Variants in FBRSL1 observed in about 807,000 individuals in gnomAD.
FBRSL1 encodes fibrosin like 1, also known as fibrosin-1-like protein.
A neutral mutation model predicts 89.6 loss-of-function variants in FBRSL1; 51 were observed. That is an observed-to-expected ratio of 0.57 (90% CI 0.45 to 0.72). The LOEUF (loss-of-function observed/expected upper bound fraction) is 0.72. Ranked by LOEUF, FBRSL1 falls within the 30% of genes least tolerant of loss-of-function variation. The pLI is 0.00. For missense variants in FBRSL1, 1,618 were observed against 1,451.8 expected (o/e 1.11, Z -1.86); for synonymous variants, 779 against 681.1 (o/e 1.14, Z -2.24).
intron 4 of FBRSL1, among the ~76,000 whole-genome samples, chr12:132,544,428 T>C (rs2037512043): frequency 6.6e-6 from 1 of 152,104 alleles, no homozygotes; most frequent in East Asian, 1.9e-4. Flanking sequence ...ATCAGGGTCA[T>C]AGACAAGCGT....
intron 14 of FBRSL1, among the ~76,000 whole-genome samples, chr12:132,575,233 T>C (rs1349598772): frequency 1.4e-5 from 2 of 142,510 alleles, no homozygotes; most frequent in Non-Finnish European, 3.0e-5. Context: ...GCTGTATGTC[T>C]TTCTTTTTTT....
intron 1 of FBRSL1, among the ~76,000 whole-genome samples, chr12:132,501,469 C>T (rs573674587): frequency 2.0e-5 from 3 of 152,198 alleles, no homozygotes; most frequent in Admixed American, 6.5e-5. Flanking sequence ...GGGAGGGGCT[C>T]CCAGGGCCAG....
In FBRSL1 at chr12:132,499,608, C is replaced by T. The variant is rs1452851808; in HGVS notation, c.292-8545C>T. Among the ~76,000 whole-genome samples the T allele has an allele frequency of 2.6e-5, 4 of 151,870 alleles. No homozygotes were observed. Among genetic ancestry groups the T allele is most frequent in the Non-Finnish European group, 4.4e-5 (3 of 67,956 alleles). On this transcript the variant is annotated intron_variant, in intron 1 of 18. Transcript: ENST00000680143. The surrounding 1 kb of genome is among the most constrained non-coding windows in gnomAD (Gnocchi z 4.3). ...TGTGAGGGGCAGCACCGTGGCGTGG[C>T]GGTTCCCGAGAGCCCGTCAGGAAGG...
At chr12:132,571,493 T>TGCCCCCGACGCCGCCCGCCGC in intron 9 of FBRSL1, 1 of 1,541,630 alleles carries the variant, frequency 6.5e-7, no homozygotes, top group Non-Finnish European at 8.8e-7. Context: ...CCCGCAGGGC[T>TGCCCCCGACGCCGCCCGCCGC]GCCCCCGACG....
At chr12:132,544,236 G>A (rs967328955) in intron 4 of FBRSL1, among the ~76,000 whole-genome samples, 3 of 152,180 alleles carry the variant, frequency 2.0e-5, no homozygotes, top group Non-Finnish European at 4.4e-5. Flanking sequence ...AAGTGGTCAC[G>A]AGGGCCATTA....
chr12:132,520,217 A>C (rs1338098202), intron 2 of FBRSL1, among the ~76,000 whole-genome samples: 97 of 74,932 alleles, frequency 1.3e-3, no homozygotes, highest in Middle Eastern at 0.016. Context: ...CCTCCAGCAC[A>C]CCCTCCTTGC....
intron 5 of FBRSL1, among the ~76,000 whole-genome samples, chr12:132,549,065 A>T (rs1185804843): frequency 6.6e-6 from 1 of 151,520 alleles, no homozygotes; most frequent in Non-Finnish European, 1.5e-5. Flanking sequence ...CAGATATTGG[A>T]GTCAGTGGCG....
In FBRSL1 at chr12:132,546,706, G is replaced by A. The variant is rs917432108; in HGVS notation, c.616-1297G>A. 3.9e-5 allele frequency among the ~76,000 whole-genome samples: 6 copies of A among 152,184 alleles called. No homozygotes were observed. Among genetic ancestry groups the A allele is most frequent in the Non-Finnish European group, 8.8e-5 (6 of 68,028 alleles). Reference sequence around the variant, plus strand: ...CTGGGGGAGCCTGTCAGCCTCAGGAGACCCCCCCCACAGGCCCACCCCAGC... The same window carrying A: ...CTGGGGGAGCCTGTCAGCCTCAGGAAACCCCCCCCACAGGCCCACCCCAGC... On this transcript the variant is annotated intron_variant, in intron 4 of 18. Transcript: ENST00000680143. The surrounding 1 kb of genome is among the most constrained non-coding windows in gnomAD (Gnocchi z 4.0).
chr12:132,525,584 G>A (rs2035721225), intron 2 of FBRSL1, 150 bp from the exon 3 acceptor site: 7 of 643,298 alleles, frequency 1.1e-5, no homozygotes, highest in South Asian at 3.6e-5. Context: ...ACCACAGCTC[G>A]TCACATCCCA....
At chr12:132,555,552 G>A (rs1425998132) in intron 5 of FBRSL1, among the ~76,000 whole-genome samples, 2 of 151,528 alleles carry the variant, frequency 1.3e-5, no homozygotes, top group South Asian at 2.1e-4. Context: ...CACGGTAGCC[G>A]CCTCACCCGA....
At chr12:132,553,328 C>G (rs993731501) in intron 5 of FBRSL1, 1 of 152,312 alleles carries the variant, frequency 6.6e-6, no homozygotes, top group Non-Finnish European at 1.5e-5. Context: ...GCACTTTGAC[C>G]TGGGACTGCT....
intron 1 of FBRSL1, among the ~76,000 whole-genome samples, chr12:132,492,908 G>A (rs1205242653): frequency 6.6e-6 from 1 of 152,216 alleles, no homozygotes; most frequent in Non-Finnish European, 1.5e-5. Context: ...CCAAAGTATG[G>A]TGGTTTTTCC....
chr12:132,509,943 C>T, intron 2 of FBRSL1: 4 of 1,231,576 alleles, frequency 3.2e-6, no homozygotes, highest in Non-Finnish European at 4.0e-6. Flanking sequence ...GTACGGCCAG[C>T]CCCGAAGGTC....
chr12:132,565,625 G>A (rs2039558507), intron 5 of FBRSL1: 1 of 152,194 alleles, frequency 6.6e-6, no homozygotes, highest in Non-Finnish European at 1.5e-5. Context: ...TTGAGTTTGT[G>A]CCCATGTACG....
chr12:132,505,145 G>T (rs1028129512), intron 1 of FBRSL1, among the ~76,000 whole-genome samples: 1 of 152,132 alleles, frequency 6.6e-6, no homozygotes, highest in African/African-American at 2.4e-5. Context: ...AAGATAAGCG[G>T]GGCCTGACCC....
At chr12:132,519,214 C>G (rs2035131614) in intron 2 of FBRSL1, among the ~76,000 whole-genome samples, 1 of 152,248 alleles carries the variant, frequency 6.6e-6, no homozygotes, top group Non-Finnish European at 1.5e-5. Context: ...TTACAGTCTA[C>G]TGAAGAGAGA....
chr12:132,522,338 C>T (rs1056137146), intron 2 of FBRSL1, among the ~76,000 whole-genome samples: 4 of 148,696 alleles, frequency 2.7e-5, no homozygotes, highest in Non-Finnish European at 1.5e-5. Context: ...GACGTGCAGC[C>T]TGGAGCTGGG....
chr12:132,581,782 C>T lies in FBRSL1; in HGVS notation c.1954C>T (p.Leu652=). 1 of 1,549,682 alleles carries T rather than the reference C, an allele frequency of 6.5e-7. No individual in the cohort carries two copies. Among genetic ancestry groups the T allele is most frequent in the Non-Finnish European group, 8.7e-7 (1 of 1,146,600 alleles). Residue 652 remains leucine (L), a synonymous_variant, in exon 17 of 19, where the codon CTG becomes TTG. Coordinates refer to ENST00000680143, the MANE Select transcript of FBRSL1 (RefSeq NM_001367871.1). Reference sequence around the variant, plus strand: ...GAGCACCTTTGGGGGCCTGGGCAGCCTGAGCAGCCACGCCTTTGGGGGCCT... The same window carrying T: ...GAGCACCTTTGGGGGCCTGGGCAGCTTGAGCAGCCACGCCTTTGGGGGCCT... ...RPSTFGGLGS[L]SSHAFGGLGS...
Position 132,511,821 on chromosome 12 carries a change from C to T in FBRSL1, c.489+3471C>T, listed in dbSNP as rs549250981. On this transcript the variant is annotated intron_variant, in intron 2 of 18. Coordinates refer to ENST00000680143, the MANE Select transcript of FBRSL1 (RefSeq NM_001367871.1). ...CTGGTGCAGCATCTGCTTTGGCCTC[C>T]GGGCCCCCTCGCTCCCCACCCACCC... is the stretch of plus-strand genomic sequence containing the variant. 223 of 984,928 alleles carry T rather than the reference C, an allele frequency of 2.3e-4. 1 individual carries two copies. The African/African-American group carries it at 2.3e-3, about 10-fold the overall frequency. The allele number at this position is 984,928 out of a possible 1,614,324, so 61.0% of individuals were successfully genotyped here. A position where few individuals can be genotyped will look rare whatever the true frequency, so the allele number is the denominator to read the frequency against.
Sources: gnomAD v4.1 joint callset for allele counts (sites outside exome capture counted in the v4.1 genomes callset) on GRCh38, gnomAD v4.1.1 for gene constraint, Gnocchi (gnomAD v3.1) non-coding constraint, MANE v1.5 for transcripts, NCBI Gene and HGNC (gene_info 2026-07-23, HGNC 2026-07-21) for gene names.